EXOC4: variants seen among roughly 807,000 people sequenced by gnomAD.
EXOC4 encodes the protein SEC8-like 1.
Under a neutral mutation model 107.2 loss-of-function variants are expected in EXOC4, and 71 were observed. That is an observed-to-expected ratio of 0.66 (90% CI 0.55 to 0.81). The LOEUF (loss-of-function observed/expected upper bound fraction) is 0.81. EXOC4 is among the 30% of genes least tolerant of loss of function. The pLI is 0.00. For synonymous variants in EXOC4, 456 were observed against 441.2 expected (o/e 1.03, Z -0.42); for missense variants, 1,108 against 1,189.6 (o/e 0.93, Z 1.01).
chr7:134,024,416 A>C (rs1434597670), intron 17 of EXOC4, among the ~76,000 whole-genome samples: 2 of 151,356 alleles, frequency 1.3e-5, no homozygotes, highest in African/African-American at 4.9e-5. Flanking sequence ...GCGCCACTGC[A>C]CTCTAGCCTG....
At chr7:133,365,640 A>G (rs775657995) in intron 6 of EXOC4, among the ~76,000 whole-genome samples, 9 of 152,196 alleles carry the variant, frequency 5.9e-5, no homozygotes, top group Admixed American at 3.3e-4. Context: ...CACTCTTTAA[A>G]TAGTAACCCC....
At chr7:133,658,505 C>T (rs1354355983) in intron 10 of EXOC4, among the ~76,000 whole-genome samples, 2 of 152,126 alleles carry the variant, frequency 1.3e-5, no homozygotes, top group Non-Finnish European at 2.9e-5. Context: ...TTGCCCATGC[C>T]CCAAAAGTAC....
At chr7:134,056,144 A>AT (rs1404212302) in intron 17 of EXOC4, among the ~76,000 whole-genome samples, 2 of 152,216 alleles carry the variant, frequency 1.3e-5, no homozygotes, top group Non-Finnish European at 2.9e-5. Flanking sequence ...AAAGTATATA[A>AT]TACAATGTCC....
intron 10 of EXOC4, among the ~76,000 whole-genome samples, chr7:133,676,728 G>A (rs1009690362): frequency 5.9e-5 from 9 of 151,850 alleles, no homozygotes; most frequent in African/African-American, 2.2e-4. Flanking sequence ...TAATTAATAG[G>A]ATATCTATGT....
At chr7:133,735,346 C>G (rs575693123) in intron 10 of EXOC4, among the ~76,000 whole-genome samples, 6 of 147,604 alleles carry the variant, frequency 4.1e-5, no homozygotes, top group South Asian at 2.2e-4. Context: ...TATAAAGCAG[C>G]TGGGATCTGA....
chr7:133,698,765 G>A (rs1469495684), intron 10 of EXOC4, among the ~76,000 whole-genome samples: 1 of 151,938 alleles, frequency 6.6e-6, no homozygotes, highest in Non-Finnish European at 1.5e-5. Flanking sequence ...TTCTGTCTTG[G>A]TGGCTTTGAG....
chr7:134,067,632 T>TACACACACACACACACAC (rs1177750777), downstream of EXOC4, among the ~76,000 whole-genome samples: 41 of 98,526 alleles, frequency 4.2e-4, 1 homozygote, highest in African/African-American at 1.4e-3. Context: ...CTCTTATATA[T>TACACACACACACACACAC]ATATATACAC....
chr7:133,710,745 A>C (rs1176743641), intron 10 of EXOC4, among the ~76,000 whole-genome samples: 1 of 152,026 alleles, frequency 6.6e-6, no homozygotes, highest in Non-Finnish European at 1.5e-5. Context: ...TATTTTTAAT[A>C]TGCAGTCAGA....
intron 7 of EXOC4, among the ~76,000 whole-genome samples, chr7:133,391,205 C>A (rs1796844641): frequency 6.6e-6 from 1 of 152,184 alleles, no homozygotes; most frequent in African/African-American, 2.4e-5. Context: ...TGAACACCAC[C>A]ACTGTCAACA....
chr7:133,426,282 G>A (rs1797725219), intron 7 of EXOC4, among the ~76,000 whole-genome samples: 1 of 152,166 alleles, frequency 6.6e-6, no homozygotes, highest in African/African-American at 2.4e-5. Context: ...ATTGCCACAG[G>A]AGCAGCCCTG....
At chr7:133,627,829 A>G (rs570404739) in intron 9 of EXOC4, among the ~76,000 whole-genome samples, 2 of 152,122 alleles carry the variant, frequency 1.3e-5, no homozygotes, top group Non-Finnish European at 2.9e-5. Context: ...TGAGTATGCC[A>G]TTGTATTTTT....
intron 14 of EXOC4, among the ~76,000 whole-genome samples, chr7:133,982,551 CCAAAA>C (rs937835149): frequency 3.3e-5 from 5 of 151,904 alleles, no homozygotes; most frequent in African/African-American, 1.2e-4. Flanking sequence ...GACTCTGTCT[CCAAAA>C]CAAAACAAAA....
chr7:133,609,497 C>G (rs1802028803), intron 9 of EXOC4, among the ~76,000 whole-genome samples: 1 of 152,098 alleles, frequency 6.6e-6, no homozygotes, highest in Non-Finnish European at 1.5e-5. Context: ...GTGATAAGCA[C>G]AGGGAATACG....
At chr7:133,595,552 T>C (rs936125175) in intron 9 of EXOC4, among the ~76,000 whole-genome samples, 1 of 152,244 alleles carries the variant, frequency 6.6e-6, no homozygotes, top group Non-Finnish European at 1.5e-5. Flanking sequence ...TAGTTCTTTC[T>C]ATGTGTCAGG....
chr7:133,651,870 A>G (rs1313096958), intron 10 of EXOC4, among the ~76,000 whole-genome samples: 2 of 152,106 alleles, frequency 1.3e-5, no homozygotes, highest in Non-Finnish European at 2.9e-5. Context: ...TTTTTAGTAG[A>G]GATGGGGTTT....
At chr7:133,835,660 T>C (rs1473682484) in intron 11 of EXOC4, among the ~76,000 whole-genome samples, 2 of 152,222 alleles carry the variant, frequency 1.3e-5, no homozygotes, top group Admixed American at 6.5e-5. Context: ...TCACATAGTT[T>C]AGTTGGTGAA....
At chr7:133,810,591 CTTTGCTTTATTTTA>C (rs1352644130) in intron 10 of EXOC4, among the ~76,000 whole-genome samples, 2 of 71,150 alleles carry the variant, frequency 2.8e-5, no homozygotes, top group Non-Finnish European at 6.7e-5. Context: ...AAGATCCATG[CTTTGCTTTATTTTA>C]TTTTATTTTA....
intron 7 of EXOC4, among the ~76,000 whole-genome samples, chr7:133,442,763 G>T (rs994909384): frequency 1.8e-4 from 28 of 152,152 alleles, no homozygotes; most frequent in Non-Finnish European, 3.5e-4. Context: ...AAGATTTGCT[G>T]GATACTGAAG....
intron 10 of EXOC4, among the ~76,000 whole-genome samples, chr7:133,761,227 T>G (rs969207902): frequency 1.3e-5 from 2 of 152,184 alleles, no homozygotes; most frequent in Non-Finnish European, 2.9e-5. Flanking sequence ...GGAGCATTTT[T>G]GGAAAAATCC....
Sources: gnomAD v4.1 joint callset for allele counts (sites outside exome capture counted in the v4.1 genomes callset) on GRCh38, gnomAD v4.1.1 for gene constraint, MANE v1.5 for transcripts, NCBI Gene and HGNC (gene_info 2026-07-23, HGNC 2026-07-21) for gene names.